ASIC2: variants seen among roughly 807,000 people sequenced by gnomAD.
ASIC2 encodes the protein acid sensing ion channel subunit 2.
ASIC2 carries 25 observed loss-of-function variants against 57.3 expected under a neutral mutation model. The observed-to-expected ratio is 0.44, with a 90% CI of 0.32 to 0.61. The LOEUF (loss-of-function observed/expected upper bound fraction) is 0.61. ASIC2 is among the 20% of genes least tolerant of loss of function. The pLI, the probability that ASIC2 is intolerant of heterozygous loss-of-function variation, is 0.06. For missense variants in ASIC2, 641 were observed against 738.1 expected (o/e 0.87, Z 1.52); for synonymous variants, 319 against 307.5 (o/e 1.04, Z -0.39).
chr17:33,523,882 T>A (rs529925521), intron 1 of ASIC2, among the ~76,000 whole-genome samples: 21 of 152,306 alleles, frequency 1.4e-4, no homozygotes, highest in Non-Finnish European at 8.8e-5. Flanking sequence ...CCTGCTCTCA[T>A]GATGTAAGTG....
intron 1 of ASIC2, among the ~76,000 whole-genome samples, chr17:33,892,546 G>C (rs997616851): frequency 6.6e-6 from 1 of 151,976 alleles, no homozygotes; most frequent in African/African-American, 2.4e-5. Flanking sequence ...CAAATAGAAG[G>C]GCAACCACTT....
At chr17:33,349,233 TC>T (rs1456415938) in intron 1 of ASIC2, among the ~76,000 whole-genome samples, 1 of 152,224 alleles carries the variant, frequency 6.6e-6, no homozygotes, top group Non-Finnish European at 1.5e-5. Flanking sequence ...TGTAAAATCA[TC>T]CCATTTAAGA....
At chr17:33,640,148 C>A (rs918732429) in intron 1 of ASIC2, among the ~76,000 whole-genome samples, 1 of 151,650 alleles carries the variant, frequency 6.6e-6, no homozygotes, top group African/African-American at 2.4e-5. Context: ...GGGTTTTTAT[C>A]TACATAATAA....
chr17:33,605,911 C>T (rs1905222071), intron 1 of ASIC2, among the ~76,000 whole-genome samples: 1 of 152,230 alleles, frequency 6.6e-6, no homozygotes, highest in Non-Finnish European at 1.5e-5. Context: ...CTCGGGCAAG[C>T]CTCTGAACTC....
At chr17:33,405,417 T>G (rs1567850407) in intron 1 of ASIC2, among the ~76,000 whole-genome samples, 1 of 152,090 alleles carries the variant, frequency 6.6e-6, no homozygotes, top group South Asian at 2.1e-4. Flanking sequence ...TGGAGAGAGA[T>G]CACCCCTCCC....
Position 34,034,210 on chromosome 17 carries a change from T to C in ASIC2, c.555+121768A>G, listed in dbSNP as rs551969825. Among the ~76,000 whole-genome samples, 37 of 152,226 alleles carry C rather than the reference T, an allele frequency of 2.4e-4. 1 individual carries two copies. Among genetic ancestry groups the C allele is most frequent in the African/African-American group, 7.5e-4 (31 of 41,540 alleles). On this transcript the variant is annotated intron_variant, in intron 1 of 9. Transcript: ENST00000359872. ...TGGAATGCAAGGCTGGTTCAACATA[T>C]GCAAATCAATAAATGTAATCCAGCA...
chr17:33,255,076 G>A (rs949766407), intron 1 of ASIC2, among the ~76,000 whole-genome samples: 1 of 90,096 alleles, frequency 1.1e-5, no homozygotes, highest in Non-Finnish European at 2.0e-5. Flanking sequence ...CGCTCTGTTT[G>A]TTGCCCAGGC....
chr17:33,279,777 C>T (rs1310969174), intron 1 of ASIC2, among the ~76,000 whole-genome samples: 1 of 152,078 alleles, frequency 6.6e-6, no homozygotes, highest in Non-Finnish European at 1.5e-5. Flanking sequence ...ATTCCAAATG[C>T]TATATTTTAA....
chr17:33,148,008 A>G (rs1312016317), intron 1 of ASIC2, among the ~76,000 whole-genome samples: 1 of 152,234 alleles, frequency 6.6e-6, no homozygotes, highest in Non-Finnish European at 1.5e-5. Flanking sequence ...AGATGCAGGA[A>G]GTGAGGCCTG....
At chr17:33,225,854 A>C (rs1907859392) in intron 1 of ASIC2, among the ~76,000 whole-genome samples, 1 of 152,240 alleles carries the variant, frequency 6.6e-6, no homozygotes, top group African/African-American at 2.4e-5. Context: ...GCCATGGAAG[A>C]GACATTTCCT....
At chr17:33,020,611 T>C (rs939259190) in intron 7 of ASIC2, among the ~76,000 whole-genome samples, 3 of 152,178 alleles carry the variant, frequency 2.0e-5, no homozygotes, top group Non-Finnish European at 4.4e-5. Flanking sequence ...ATCCATCAGA[T>C]GCCACTGGAG....
intron 1 of ASIC2, among the ~76,000 whole-genome samples, chr17:33,782,973 C>G (rs1597874224): frequency 2.0e-5 from 3 of 152,216 alleles, no homozygotes. Context: ...ACCTGCTGTT[C>G]TCTCTGCCTG....
chr17:33,976,842 G>C (rs763262789), intron 1 of ASIC2: 12 of 152,108 alleles, frequency 7.9e-5, no homozygotes, highest in Non-Finnish European at 1.6e-4. Context: ...GGGGGTGGGT[G>C]TGGGCAGGGG....
intron 1 of ASIC2, among the ~76,000 whole-genome samples, chr17:33,372,249 A>T (rs578024956): frequency 6.6e-6 from 1 of 151,748 alleles, no homozygotes; most frequent in Non-Finnish European, 1.5e-5. Flanking sequence ...GATGTTAAGG[A>T]GGAGTGATAG....
At chr17:33,019,795 G>C (rs1567718293) in intron 7 of ASIC2, among the ~76,000 whole-genome samples, 1 of 148,834 alleles carries the variant, frequency 6.7e-6, no homozygotes, top group East Asian at 2.0e-4. Flanking sequence ...TGCTCTGTAT[G>C]TCTCTCTCTC....
At chr17:33,741,954 T>G (rs4144698) in intron 1 of ASIC2, among the ~76,000 whole-genome samples, 37,680 of 152,110 alleles carry the variant, frequency 0.25, 5,303 homozygotes, top group East Asian at 0.67. Context: ...ATGGAATGAG[T>G]TCTGTTATTC....
At chr17:33,423,582 T>C (rs1243081321) in intron 1 of ASIC2, among the ~76,000 whole-genome samples, 1 of 152,178 alleles carries the variant, frequency 6.6e-6, no homozygotes, top group Non-Finnish European at 1.5e-5. Context: ...TAGCACCCTA[T>C]GGTAGACTTG....
At chr17:33,237,062 T>C (rs991030735) in intron 1 of ASIC2, among the ~76,000 whole-genome samples, 1 of 152,140 alleles carries the variant, frequency 6.6e-6, no homozygotes, top group Non-Finnish European at 1.5e-5. Flanking sequence ...GAGTGTGTGG[T>C]GGTGTGTACC....
intron 1 of ASIC2, among the ~76,000 whole-genome samples, chr17:33,160,370 T>C (rs1344675265): frequency 6.6e-6 from 1 of 152,220 alleles, no homozygotes; most frequent in Non-Finnish European, 1.5e-5. Flanking sequence ...CTCAGAGTTG[T>C]AGAAACTCTG....
Sources: allele counts gnomAD v4.1 joint callset (sites outside exome capture counted in the v4.1 genomes callset), GRCh38; gene constraint gnomAD v4.1.1; transcripts MANE v1.5; gene names NCBI Gene and HGNC (gene_info 2026-07-23, HGNC 2026-07-21).